The following PDE7A variants were observed in gnomAD, a reference collection of about 807,000 sequenced individuals.
PDE7A encodes phosphodiesterase 7A.
In PDE7A, 39 loss-of-function variants were observed where a neutral mutation model predicts 64.3. The ratio of observed to expected loss-of-function variants is 0.61; its 90% CI spans 0.47 to 0.79. The LOEUF is 0.79. Among genes scored for constraint, PDE7A ranks in the 30% least tolerant of loss-of-function variants. The pLI, the probability that PDE7A is intolerant of heterozygous loss-of-function variation, is 0.00. For synonymous variants in PDE7A, 203 were observed against 206.8 expected (o/e 0.98, Z 0.16); for missense variants, 470 against 582.8 (o/e 0.81, Z 1.99).
At chr8:65,757,777 C>G (rs1212283717) in intron 3 of PDE7A, among the ~76,000 whole-genome samples, 3 of 152,100 alleles carry the variant, frequency 2.0e-5, no homozygotes, top group Non-Finnish European at 4.4e-5. Context: ...TGCCACCACG[C>G]CCGGCTAACT....
intron 1 of PDE7A, among the ~76,000 whole-genome samples, chr8:65,798,975 T>C (rs1303368066): frequency 3.3e-5 from 5 of 152,004 alleles, no homozygotes. Context: ...CTGAGCTAAG[T>C]GAAAGAAGCC....
chr8:65,732,856 C>T (rs961521168), intron 7 of PDE7A, among the ~76,000 whole-genome samples: 2 of 152,048 alleles, frequency 1.3e-5, no homozygotes, highest in African/African-American at 4.8e-5. Flanking sequence ...CTTTGAGTGA[C>T]TCTGTTTTTT....
chr8:65,790,857 G>A (rs1809681962), intron 1 of PDE7A, among the ~76,000 whole-genome samples: 1 of 152,220 alleles, frequency 6.6e-6, no homozygotes, highest in African/African-American at 2.4e-5. Context: ...AGGATGCCTA[G>A]GCATGAGACA....
chr8:65,810,011 G>A (rs1375397706), intron 1 of PDE7A, among the ~76,000 whole-genome samples: 1 of 152,136 alleles, frequency 6.6e-6, no homozygotes, highest in Non-Finnish European at 1.5e-5. Context: ...ATACCCCAAG[G>A]ATTATAAGTC....
intron 2 of PDE7A, among the ~76,000 whole-genome samples, 185 bp downstream of exon 2, chr8:65,782,598 C>T (rs1809447952): frequency 6.6e-6 from 1 of 152,168 alleles, no homozygotes; most frequent in South Asian, 2.1e-4. Flanking sequence ...TTACCTATAA[C>T]TCTAAAATGC....
chr8:65,819,764 A>G (rs1278649955), intron 1 of PDE7A, among the ~76,000 whole-genome samples: 5 of 152,226 alleles, frequency 3.3e-5, no homozygotes, highest in Non-Finnish European at 7.3e-5. Context: ...CAAAACATCT[A>G]TTCTCATGTT....
intron 6 of PDE7A, among the ~76,000 whole-genome samples, chr8:65,738,626 A>G (rs79056219): frequency 0.04 from 6,104 of 152,052 alleles, 182 homozygotes; most frequent in Non-Finnish European, 0.062. Context: ...GAGATGGGGT[A>G]TTTGCCATGT....
intron 1 of PDE7A, among the ~76,000 whole-genome samples, chr8:65,816,367 A>G (rs1406048419): frequency 6.6e-6 from 1 of 152,228 alleles, no homozygotes. Flanking sequence ...GATAGAATTC[A>G]ATGCTTTTTA....
chr8:65,747,555 A>G, intron 4 of PDE7A, 97 bp downstream of exon 4: 1 of 678,204 alleles, frequency 1.5e-6, no homozygotes, highest in Non-Finnish European at 2.3e-6. Context: ...TTTCATAGAC[A>G]GAGAAAAAGA....
intron 2 of PDE7A, 36 bp downstream of exon 2, chr8:65,782,747 A>G (rs1261615680): frequency 1.7e-6 from 2 of 1,191,528 alleles, no homozygotes; most frequent in African/African-American, 3.1e-5. Context: ...TAATAACAAA[A>G]TTAACTGATA....
Position 65,715,715 on chromosome 8 carries a change from G to A in PDE7A, c.*3575C>T, listed in dbSNP as rs141137731. The stretch of plus-strand genomic sequence containing the variant: ...TTAAAAAATTAGCTGGCCGGGCACG[G>A]TGGCTCACGCCTGTAATCCCAGCAC... On this transcript the variant is annotated 3_prime_UTR_variant, in exon 13 of 13. Coordinates refer to ENST00000401827, the MANE Select transcript of PDE7A (RefSeq NM_001242318.3). Among the ~76,000 whole-genome samples the A allele has an allele frequency of 0.042, 6,082 of 146,420 alleles. 192 individuals carry two copies. The highest frequency in any genetic ancestry group is 0.062 in the Non-Finnish European group (4,116 of 66,038).
intron 3 of PDE7A, among the ~76,000 whole-genome samples, chr8:65,771,884 CAAAAA>C (rs36101490): frequency 1.8e-5 from 1 of 55,836 alleles, no homozygotes; most frequent in Non-Finnish European, 3.7e-5. Flanking sequence ...CTCCATCTCT[CAAAAA>C]AAAAAAAAAA....
chr8:65,811,059 T>C lies in PDE7A; in HGVS notation c.139-28216A>G, dbSNP rs1392803751. Among the ~76,000 whole-genome samples the C allele has an allele frequency of 2.6e-5, 4 of 152,066 alleles. No individual in the cohort carries two copies. The East Asian group carries it at 5.8e-4, about 22-fold the overall frequency. Reference sequence around the variant, plus strand: ...TTGTAAAGGCCTCTATGAAGAAAATTTAAATCTCTATTGAAGGATAGAGAA... The same window carrying C: ...TTGTAAAGGCCTCTATGAAGAAAATCTAAATCTCTATTGAAGGATAGAGAA... On this transcript the variant is annotated intron_variant, in intron 1 of 12. Coordinates refer to ENST00000401827, the MANE Select transcript of PDE7A (RefSeq NM_001242318.3).
intron 3 of PDE7A, among the ~76,000 whole-genome samples, chr8:65,748,833 G>A (rs1254562663): frequency 6.6e-6 from 1 of 152,186 alleles, no homozygotes; most frequent in Non-Finnish European, 1.5e-5. Flanking sequence ...CAGAGACACA[G>A]CAGGTGTTAA....
At chr8:65,789,557 G>T (rs1050565474) in intron 1 of PDE7A, among the ~76,000 whole-genome samples, 2 of 151,758 alleles carry the variant, frequency 1.3e-5, no homozygotes, top group African/African-American at 4.8e-5. Context: ...CACTCATTTT[G>T]GACTTACTGA....
At chr8:65,747,877 T>C in intron 3 of PDE7A, 74 bp from the exon 4 acceptor site, 1 of 835,034 alleles carries the variant, frequency 1.2e-6, no homozygotes, top group Non-Finnish European at 1.9e-6. Flanking sequence ...ATACCACTTT[T>C]AGTTATGTAC....
intron 1 of PDE7A, among the ~76,000 whole-genome samples, chr8:65,811,682 A>T (rs1371232886): frequency 6.6e-6 from 1 of 152,246 alleles, no homozygotes; most frequent in African/African-American, 2.4e-5. Context: ...AATGCCAATT[A>T]ACCCTAAACT....
intron 1 of PDE7A, chr8:65,838,847 G>C (rs370272555): frequency 6.6e-5 from 10 of 152,166 alleles, no homozygotes; most frequent in African/African-American, 2.4e-4. Flanking sequence ...GCTGCTACTT[G>C]AAAACAAGTT....
chr8:65,756,921 T>C (rs79037298), intron 3 of PDE7A, among the ~76,000 whole-genome samples: 2,119 of 152,138 alleles, frequency 0.014, 68 homozygotes, highest in African/African-American at 0.049. Context: ...TGCTGGCTTA[T>C]GATAAAGGGT....
Sources: gnomAD v4.1 joint callset for allele counts (sites outside exome capture counted in the v4.1 genomes callset) on GRCh38, gnomAD v4.1.1 for gene constraint, MANE v1.5 for transcripts, NCBI Gene and HGNC (gene_info 2026-07-23, HGNC 2026-07-21) for gene names.